The following DLG2 variants were observed in gnomAD, a reference collection of about 807,000 sequenced individuals.
DLG2 encodes disks large homolog 2.
In DLG2, 45 loss-of-function variants were observed where a neutral mutation model predicts 132.5. The observed-to-expected ratio is 0.34, with a 90% confidence interval of 0.27 to 0.44. The LOEUF (loss-of-function observed/expected upper bound fraction) is 0.44. DLG2 is among the 20% of genes least tolerant of loss of function. The probability of loss-of-function intolerance (pLI) is 1.00; values close to 1 mark genes in which losing one functional copy is unlikely to be tolerated. For missense variants in DLG2, 1,045 were observed against 1,196.9 expected (o/e 0.87, Z 1.87); for synonymous variants, 424 against 419.6 (o/e 1.01, Z -0.13).
chr11:84,227,265 G>A (rs1026679500), intron 8 of DLG2, among the ~76,000 whole-genome samples: 13 of 151,936 alleles, frequency 8.6e-5, no homozygotes, highest in Non-Finnish European at 1.5e-4. Context: ...CATATTAGAC[G>A]TAGACAAAAA....
chr11:84,420,645 G>GTTTCCTTTT (rs2098945857), intron 7 of DLG2, among the ~76,000 whole-genome samples: 1 of 48,916 alleles, frequency 2.0e-5, no homozygotes, highest in Non-Finnish European at 4.9e-5. Context: ...ACCAATGCTT[G>GTTTCCTTTT]TTTTCTTTTT....
chr11:84,427,197 T>C (rs1225062778), intron 7 of DLG2, among the ~76,000 whole-genome samples: 3 of 151,608 alleles, frequency 2.0e-5, no homozygotes, highest in Non-Finnish European at 4.4e-5. Flanking sequence ...CTAGGCAGAA[T>C]ATTTAAATGA....
chr11:85,336,167 T>G (rs1215785592), intron 3 of DLG2: 1 of 152,728 alleles, frequency 6.5e-6, no homozygotes, highest in African/African-American at 2.4e-5. Context: ...CTCATTCTGA[T>G]TTGGTGACCA....
At chr11:85,323,812 T>C (rs1198141610) in intron 3 of DLG2, among the ~76,000 whole-genome samples, 1 of 152,244 alleles carries the variant, frequency 6.6e-6, no homozygotes, top group African/African-American at 2.4e-5. Flanking sequence ...GTTAGATCCA[T>C]GAACTGCAAA....
chr11:84,607,961 A>T (rs1168134100), intron 6 of DLG2, among the ~76,000 whole-genome samples: 2 of 152,182 alleles, frequency 1.3e-5, no homozygotes, highest in African/African-American at 4.8e-5. Context: ...CTCTCTGAAC[A>T]GCTTTTCTTT....
intron 7 of DLG2, among the ~76,000 whole-genome samples, chr11:84,407,525 G>A (rs1404602072): frequency 2.0e-5 from 3 of 152,082 alleles, no homozygotes; most frequent in Non-Finnish European, 4.4e-5. Context: ...CCTAGGTCAG[G>A]TTATGTTGTT....
At chr11:83,462,315 G>T (rs781521736) in intron 26 of DLG2, among the ~76,000 whole-genome samples, 2 of 152,066 alleles carry the variant, frequency 1.3e-5, no homozygotes, top group African/African-American at 2.4e-5. Context: ...GTCCCACATT[G>T]GATTGAAGCC....
At chr11:85,482,142 G>T (rs958894948) in intron 3 of DLG2, among the ~76,000 whole-genome samples, 2 of 152,032 alleles carry the variant, frequency 1.3e-5, no homozygotes, top group Non-Finnish European at 2.9e-5. Flanking sequence ...GGATGCCAAA[G>T]TCCCAAGCTT....
chr11:83,924,058 C>T (rs11233811), intron 15 of DLG2, among the ~76,000 whole-genome samples: 12,336 of 152,114 alleles, frequency 0.081, 660 homozygotes, highest in Middle Eastern at 0.2. Flanking sequence ...TAACACGATG[C>T]TTAACTTATT....
intron 4 of DLG2, among the ~76,000 whole-genome samples, chr11:85,188,088 T>C (rs1371898299): frequency 6.6e-6 from 1 of 152,142 alleles, no homozygotes; most frequent in Non-Finnish European, 1.5e-5. Context: ...AGAGGAGACA[T>C]GGGAATAGAG....
intron 18 of DLG2, among the ~76,000 whole-genome samples, chr11:83,752,161 A>C (rs1278058410): frequency 6.6e-6 from 1 of 151,942 alleles, no homozygotes; most frequent in African/African-American, 2.4e-5. Flanking sequence ...CCAGCTACTC[A>C]TGAGGCTGAG....
chr11:84,569,684 G>C (rs2099472722), intron 6 of DLG2, among the ~76,000 whole-genome samples: 1 of 152,160 alleles, frequency 6.6e-6, no homozygotes, highest in Non-Finnish European at 1.5e-5. Context: ...GAGAAGAGAG[G>C]TTATATTGCT....
chr11:83,890,905 C>A (rs1255941333), intron 15 of DLG2, among the ~76,000 whole-genome samples: 1 of 152,068 alleles, frequency 6.6e-6, no homozygotes, highest in African/African-American at 2.4e-5. Context: ...GAATCCAGGA[C>A]AACTTCCATG....
Position 83,909,832 on chromosome 11 carries a change from CA to C in DLG2, c.1496+20495del, listed in dbSNP as rs1382075991. Among the ~76,000 whole-genome samples the C allele has an allele frequency of 4.5e-4, 68 of 152,074 alleles. 1 individual carries two copies. The highest frequency in any genetic ancestry group is 4.5e-3 in the Admixed American group (68 of 15,248). Reference sequence around the variant, plus strand: ...TATATCACAGGCTTATCTTCTGTTCCAATCTTCCTCTGAGACATTTGATACA... The same window carrying C: ...TATATCACAGGCTTATCTTCTGTTCCATCTTCCTCTGAGACATTTGATACA... On this transcript the variant is annotated intron_variant, in intron 15 of 27. Coordinates refer to ENST00000376104, the MANE Select transcript of DLG2 (RefSeq NM_001142699.3).
In DLG2 at chr11:84,579,191, G is replaced by A. The variant is rs973785563; in HGVS notation, c.358-44460C>T. On this transcript the variant is annotated intron_variant, in intron 6 of 27. Transcript: ENST00000376104. ...CTAATACACCTTGCATTATTCACGT[G>A]TGTGTGTGTGTGTGTGTGTGTGTGT... 9.0e-5 allele frequency among the ~76,000 whole-genome samples: 13 copies of A among 144,546 alleles called. No homozygotes were observed. The South Asian group carries it at 2.6e-3, about 29-fold the overall frequency. The allele number at this position is 144,546 out of a possible 152,430, so 94.8% of individuals were successfully genotyped here. A position where few individuals can be genotyped will look rare whatever the true frequency, so the allele number is the denominator to read the frequency against.
chr11:83,815,527 C>A (rs1345064934), intron 17 of DLG2, among the ~76,000 whole-genome samples: 1 of 152,088 alleles, frequency 6.6e-6, no homozygotes, highest in East Asian at 1.9e-4. Flanking sequence ...CAGATTTATC[C>A]TGGGGCCAAG....
intron 7 of DLG2, among the ~76,000 whole-genome samples, chr11:84,350,182 C>CG (rs1555518944): frequency 7.0e-6 from 1 of 142,420 alleles, no homozygotes; most frequent in East Asian, 2.1e-4. Flanking sequence ...CGTCCCCCCC[C>CG]CCAAAAAAAA....
chr11:84,294,423 C>T (rs372998974), intron 7 of DLG2, among the ~76,000 whole-genome samples: 170 of 152,160 alleles, frequency 1.1e-3, no homozygotes, highest in Middle Eastern at 3.4e-3. Flanking sequence ...CATGGTGAAA[C>T]CCCATCTCTA....
At chr11:83,726,620 A>G (rs2090047639) in intron 18 of DLG2, among the ~76,000 whole-genome samples, 1 of 152,192 alleles carries the variant, frequency 6.6e-6, no homozygotes, top group Non-Finnish European at 1.5e-5. Context: ...GCACAAGTGT[A>G]GACCTGTAGA....
Sources: gnomAD v4.1 joint callset for allele counts (sites outside exome capture counted in the v4.1 genomes callset) on GRCh38, gnomAD v4.1.1 for gene constraint, MANE v1.5 for transcripts, NCBI Gene and HGNC (gene_info 2026-07-23, HGNC 2026-07-21) for gene names.